Variants in DERPC observed in about 807,000 individuals in gnomAD.
The protein encoded by DERPC is DERPC proline and glycine rich nuclear protein.
A neutral mutation model predicts 7.2 loss-of-function variants in DERPC; 1 was observed. The ratio of observed to expected loss-of-function variants is 0.14; its 90% confidence interval spans 0.05 to 0.66. DERPC has a LOEUF of 0.66. DERPC is among the 30% of genes least tolerant of loss of function. DERPC has a pLI of 0.84. For missense variants in DERPC, 502 were observed against 299.4 expected, an observed-to-expected ratio of 1.68 and a Z score of -4.99; for synonymous variants, 185 against 117.6, an observed-to-expected ratio of 1.57 and a Z score of -3.71.
chr16:69,119,432 G>A lies in DERPC; in HGVS notation c.997C>T (p.Pro333Ser). 1.4e-6 allele frequency: 1 copy of A among 702,920 alleles called. No individual in the cohort carries two copies. Among genetic ancestry groups the A allele is most frequent in the South Asian group, 1.5e-5 (1 of 67,570 alleles). The allele number at this position is 702,920 out of a possible 1,614,324, so 43.5% of individuals were successfully genotyped here. Residue 333 changes from proline (P) to serine (S), a missense_variant, in exon 3 of 3, where the codon CCC becomes TCC. Transcript: ENST00000519520. Reference sequence around the variant, plus strand: ...ATGGGGCCAGGAGCCCTTGACATGGGAGATGGATTTGGCCCTGGAAGGCCA... The same window carrying A: ...ATGGGGCCAGGAGCCCTTGACATGGAAGATGGATTTGGCCCTGGAAGGCCA... Reference protein sequence around the residue: ...GIGLPGPNPSPMSRAPGPIGP... With the variant: ...GIGLPGPNPSSMSRAPGPIGP...
At position 69,120,872 on chromosome 16, in the gene DERPC, T is replaced by A. The variant is rs1027156704; in HGVS notation, c.-221-223A>T. ...TTTCAGAAATGTGAGCTTTCCAGAT[T>A]CCCCAAAATTAAATTTCCCTGCTAC... On this transcript the variant is annotated intron_variant, in intron 2 of 2. Transcript: ENST00000519520. The surrounding 1 kb of genome is among the most constrained non-coding windows in gnomAD (Gnocchi z 4.0). 1.3e-6 allele frequency: 1 copy of A among 756,922 alleles called. No homozygotes were observed. The highest frequency in any genetic ancestry group is 1.4e-5 in the South Asian group (1 of 69,832). The allele number at this position is 756,922 out of a possible 1,614,324, so 46.9% of individuals were successfully genotyped here. A position where few individuals can be genotyped will look rare whatever the true frequency, so the allele number is the denominator to read the frequency against.
intron 1 of DERPC, among the ~76,000 whole-genome samples, chr16:69,123,130 C>G (rs1192593373): frequency 6.6e-6 from 1 of 152,096 alleles, no homozygotes; most frequent in Non-Finnish European, 1.5e-5. Flanking sequence ...AATCATAGCT[C>G]ACTGAGGCCT....
chr16:69,121,814 C>G (rs1365652137), intron 1 of DERPC, among the ~76,000 whole-genome samples: 2 of 152,090 alleles, frequency 1.3e-5, no homozygotes, highest in Non-Finnish European at 2.9e-5. Flanking sequence ...ACTACAGGTG[C>G]CCGCCACCAC....
Position 69,120,585 on chromosome 16 carries a change from G to C in DERPC, c.-157C>G. On this transcript the variant is annotated 5_prime_UTR_variant, in exon 3 of 3. Coordinates refer to ENST00000519520, the MANE Select transcript of DERPC (RefSeq NM_001002847.4). This position sits in a 1 kb window ranked among gnomAD's most constrained non-coding sequence, Gnocchi z 4.0. Reference sequence around the variant, plus strand: ...AGTGTGTTTGACAAGGACTGCAAAAGGTTTCTCCAGGTGGATGATTTTCCC... The same window carrying C: ...AGTGTGTTTGACAAGGACTGCAAAACGTTTCTCCAGGTGGATGATTTTCCC... 1.2e-6 allele frequency: 2 copies of C among 1,614,086 alleles called. No individual in the cohort carries two copies. Among genetic ancestry groups the C allele is most frequent in the Non-Finnish European group, 1.7e-6 (2 of 1,179,990 alleles).
rs189213929 is a variant in DERPC at position 69,128,215 on chromosome 16, C to T, written c.-280+4269G>A. Among the ~76,000 whole-genome samples, 24 of 152,272 alleles carry T rather than the reference C, an allele frequency of 1.6e-4. No homozygotes were observed. In the East Asian group the frequency reaches 4.6e-3, roughly 29 times the overall value. On this transcript the variant is annotated intron_variant, in intron 1 of 2. Coordinates refer to ENST00000519520, the MANE Select transcript of DERPC (RefSeq NM_001002847.4). ...GGCGTGAACCACAGCGCCCGGCTAA[C>T]TATCTCTTAAGAGCAGAGTTCAACC...
chr16:69,122,663 C>A (rs1330499977), intron 1 of DERPC, among the ~76,000 whole-genome samples: 40 of 152,036 alleles, frequency 2.6e-4, no homozygotes, highest in Admixed American at 2.6e-3. Flanking sequence ...GCTTCAGCCT[C>A]CCGAGCAGCT....
chr16:69,129,639 T>C lies in DERPC; in HGVS notation c.-280+2845A>G, dbSNP rs116327193. ...CTTAGAGGAGCTAAATGTTAACTGG[T>C]CACACAGCTACTTAAGTGGAGAGCT... On this transcript the variant is annotated intron_variant, in intron 1 of 2. Coordinates refer to ENST00000519520, the MANE Select transcript of DERPC (RefSeq NM_001002847.4). Among the ~76,000 whole-genome samples the C allele has an allele frequency of 7.6e-3, 1,159 of 152,254 alleles. 16 individuals are homozygous for C. Among genetic ancestry groups the C allele is most frequent in the African/African-American group, 0.025 (1,043 of 41,528 alleles).
At chr16:69,121,542 A>G (rs1961662722) in intron 1 of DERPC, 49 bp from the exon 2 acceptor site, 2 of 1,111,028 alleles carry the variant, frequency 1.8e-6, no homozygotes, top group Non-Finnish European at 2.6e-6. Context: ...AACAACTAAT[A>G]ATGACACCTA....
intron 1 of DERPC, among the ~76,000 whole-genome samples, chr16:69,129,493 C>T (rs938883898): frequency 2.1e-5 from 3 of 145,110 alleles, no homozygotes; most frequent in Admixed American, 2.1e-4. Context: ...TTTTATAATA[C>T]AAAAGGCTTC....
chr16:69,132,516 C>T lies in DERPC; in HGVS notation c.-312G>A. 1 of 286,516 alleles carries T rather than the reference C, an allele frequency of 3.5e-6. No individual in the cohort carries two copies. The highest frequency in any genetic ancestry group is 6.7e-6 in the Non-Finnish European group (1 of 149,234). The allele number at this position is 286,516 out of a possible 1,614,324, so 17.7% of individuals were successfully genotyped here. ...GGCGGCCGCCGAGCGCGGCGCCGCG[C>T]GGCCAACGGGCGACAACCGAACCTC... On this transcript the variant is annotated 5_prime_UTR_variant, in exon 1 of 3. Transcript: ENST00000519520.
At position 69,118,132 on chromosome 16, in the gene DERPC, C is replaced by CA. The variant is rs1961295596; in HGVS notation, c.*721dup. ...ATTTCTTCCCTTCATCCCCCACCCC[C>CA]ACCCTAATTCCCATATTCCCATCCA... On this transcript the variant is annotated 3_prime_UTR_variant, in exon 3 of 3. Coordinates refer to ENST00000519520, the MANE Select transcript of DERPC (RefSeq NM_001002847.4). 1 of 354,596 alleles carries CA rather than the reference C, an allele frequency of 2.8e-6. No homozygotes were observed. Among genetic ancestry groups the CA allele is most frequent in the Non-Finnish European group, 5.2e-6 (1 of 193,112 alleles). The allele number at this position is 354,596 out of a possible 1,614,324, so 22.0% of individuals were successfully genotyped here. A position where few individuals can be genotyped will look rare whatever the true frequency, so the allele number is the denominator to read the frequency against.
At position 69,120,617 on chromosome 16, in the gene DERPC, G is replaced by A. The variant is rs201400746; in HGVS notation, c.-189C>T. 2,095 of 1,612,932 alleles carry A rather than the reference G, an allele frequency of 1.3e-3. 2 individuals are homozygous for A. The highest frequency in any genetic ancestry group is 1.6e-3 in the Non-Finnish European group (1,938 of 1,179,116). ...CCAGGTGGATGATTTTCCCATACAGGATATGATGCCCCACGATCAGCACAG... is the reference window on the plus strand; with the variant it reads ...CCAGGTGGATGATTTTCCCATACAGAATATGATGCCCCACGATCAGCACAG... On this transcript the variant is annotated 5_prime_UTR_variant, in exon 3 of 3. Transcript: ENST00000519520. This position sits in a 1 kb window ranked among gnomAD's most constrained non-coding sequence, Gnocchi z 4.0.
In DERPC at chr16:69,118,187, T is replaced by C; in HGVS notation, c.*667A>G. The C allele has an allele frequency of 5.0e-6, 3 of 602,144 alleles. No individual in the cohort carries two copies. The highest frequency in any genetic ancestry group is 8.9e-6 in the Non-Finnish European group (3 of 336,612). 37.3% of individuals were successfully genotyped at this position (602,144 alleles called of 1,614,324 possible). On this transcript the variant is annotated 3_prime_UTR_variant, in exon 3 of 3. Transcript: ENST00000519520. ...AGTTTAAATTTTGAGGTTCTTTGAT[T>C]GATTGGGAGTACCAGTGAAGAGGGA...
At position 69,120,285 on chromosome 16, in the gene DERPC, C is replaced by A. The variant is rs1413263592; in HGVS notation, c.144G>T (p.Ser48=). The A allele has an allele frequency of 2.5e-6, 2 of 788,794 alleles. No individual in the cohort carries two copies. The highest frequency in any genetic ancestry group is 3.4e-5 in the African/African-American group (2 of 58,768). The allele number at this position is 788,794 out of a possible 1,614,324, so 48.9% of individuals were successfully genotyped here. The part of the protein sequence containing the change: ...LNTGHPLGVN[S]DPFLMAAGSL... ...AACCGGCCGCCATAAGGAAGGGATC[C>A]GAGTTCACACCCAGTGGGTGGCCTG... The change falls in exon 3 of 3, where the codon TCG becomes TCT. Residue 48 remains serine (S), a synonymous_variant. Transcript: ENST00000519520. This position sits in a 1 kb window ranked among gnomAD's most constrained non-coding sequence, Gnocchi z 4.0.
At chr16:69,122,030 C>T (rs1961711225) in intron 1 of DERPC, among the ~76,000 whole-genome samples, 1 of 152,106 alleles carries the variant, frequency 6.6e-6, no homozygotes, top group African/African-American at 2.4e-5. Flanking sequence ...TCGTGATTCA[C>T]CCGCCTCAGC....
rs913333601 is a variant in DERPC at position 69,119,451 on chromosome 16, A to G, written c.978T>C (p.Leu326=). 4.3e-6 allele frequency: 3 copies of G among 702,746 alleles called. No homozygotes were observed. The highest frequency in any genetic ancestry group is 2.7e-5 in the East Asian group (1 of 37,276). 43.5% of individuals were successfully genotyped at this position (702,746 alleles called of 1,614,324 possible). Reference sequence around the variant, plus strand: ...ACATGGGAGATGGATTTGGCCCTGGAAGGCCAATTCCCCGAGAGCTAGGAC... The same window carrying G: ...ACATGGGAGATGGATTTGGCCCTGGGAGGCCAATTCCCCGAGAGCTAGGAC... ...NSGPSSRGIG[L]PGPNPSPMSR... Residue 326 remains leucine (L), a synonymous_variant, in exon 3 of 3, where the codon CTT becomes CTC. Transcript: ENST00000519520.
In DERPC at chr16:69,120,751, AT is replaced by A; in HGVS notation, c.-221-103del. 1 of 1,007,326 alleles carries A rather than the reference AT, an allele frequency of 9.9e-7. No homozygotes were observed. The highest frequency in any genetic ancestry group is 1.5e-5 in the South Asian group (1 of 66,426). 62.4% of individuals were successfully genotyped at this position (1,007,326 alleles called of 1,614,324 possible). ...TTGGCAGGCTATGCTGGCACCTCCA[AT>A]CCCTGGTCTGGCTCTGCCATTGTTG... On this transcript the variant is annotated intron_variant, in intron 2 of 2. Transcript: ENST00000519520. The surrounding 1 kb of genome is among the most constrained non-coding windows in gnomAD (Gnocchi z 4.0).
In DERPC at chr16:69,118,313, T is replaced by C; in HGVS notation, c.*541A>G. ...AAGCAGAAACTGCATTCGGTGGGTC[T>C]TTCTTTGAAGTGGTTGTCCATCTCC... On this transcript the variant is annotated 3_prime_UTR_variant, in exon 3 of 3. Transcript: ENST00000519520. 7.9e-7 allele frequency: 1 copy of C among 1,268,746 alleles called. No individual in the cohort carries two copies. 78.6% of individuals were successfully genotyped at this position (1,268,746 alleles called of 1,614,324 possible).
At chr16:69,130,082 T>C (rs1027944979) in intron 1 of DERPC, among the ~76,000 whole-genome samples, 7 of 152,254 alleles carry the variant, frequency 4.6e-5, no homozygotes, top group Non-Finnish European at 1.0e-4. Context: ...CTCTGGTCTC[T>C]GAATTGTTAA....
Sources: gnomAD v4.1 joint callset for allele counts (sites outside exome capture counted in the v4.1 genomes callset) on GRCh38, gnomAD v4.1.1 for gene constraint, Gnocchi (gnomAD v3.1) non-coding constraint, MANE v1.5 for transcripts, NCBI Gene and HGNC (gene_info 2026-07-23, HGNC 2026-07-21) for gene names.